Variants in SIGLEC6 observed in about 807,000 individuals in gnomAD.
SIGLEC6 encodes the protein sialic acid binding Ig like lectin 6.
Under a neutral mutation model 41.4 loss-of-function variants are expected in SIGLEC6, and 31 were observed. The ratio of observed to expected loss-of-function variants is 0.75; its 90% confidence interval spans 0.56 to 1.01. The LOEUF is 1.01. Among genes scored for constraint, SIGLEC6 ranks in the 50% least tolerant of loss-of-function variants. The probability of loss-of-function intolerance (pLI) is 0.00; values close to 1 mark genes in which losing one functional copy is unlikely to be tolerated. For missense variants in SIGLEC6, 555 were observed against 558.6 expected (o/e 0.99, Z 0.06); for synonymous variants, 217 against 231.0 (o/e 0.94, Z 0.55).
At position 51,519,847 on chromosome 19, in the gene SIGLEC6, C is replaced by T. The variant is rs545339463; in HGVS notation, c.*235G>A. 7.0e-6 allele frequency: 2 copies of T among 284,258 alleles called. No individual in the cohort carries two copies. The highest frequency in any genetic ancestry group is 2.2e-5 in the African/African-American group (1 of 46,352). The allele number at this position is 284,258 out of a possible 1,614,324, so 17.6% of individuals were successfully genotyped here. ...GACACAAACACACTCAGAGGAAAGACCATGTGAAGACACAAGGAGGAGACA... is the reference window on the plus strand; with the variant it reads ...GACACAAACACACTCAGAGGAAAGATCATGTGAAGACACAAGGAGGAGACA... On this transcript the variant is annotated 3_prime_UTR_variant, in exon 8 of 8. Coordinates refer to ENST00000425629, the MANE Select transcript of SIGLEC6 (RefSeq NM_001245.7).
chr19:51,529,689 T>G (rs1460845703), intron 5 of SIGLEC6, 35 bp downstream of exon 5: 22 of 1,612,802 alleles, frequency 1.4e-5, no homozygotes, highest in Non-Finnish European at 1.6e-5. Flanking sequence ...CTCGCCCAGC[T>G]GCCCACACTC....
rs551998592 is a variant in SIGLEC6 at position 51,523,308 on chromosome 19, A to T, written c.1189-3053T>A. On this transcript the variant is annotated intron_variant, in intron 7 of 7. Transcript: ENST00000425629. ...GCACAAAGAAAACACAAAAACGAAA[A>T]ATAAATAAGCACAGCTTCATTGGCC... 1.0e-3 allele frequency among the ~76,000 whole-genome samples: 156 copies of T among 152,360 alleles called. No homozygotes were observed. In the Middle Eastern group the frequency reaches 0.014, roughly 13 times the overall value.
At chr19:51,525,244 C>A (rs1347483333) in intron 7 of SIGLEC6, among the ~76,000 whole-genome samples, 1 of 152,174 alleles carries the variant, frequency 6.6e-6, no homozygotes, top group African/African-American at 2.4e-5. Context: ...CTCACCCCTG[C>A]CTGAGCACTT....
intron 5 of SIGLEC6, among the ~76,000 whole-genome samples, chr19:51,528,922 A>G (rs1013616416): frequency 2.7e-5 from 4 of 150,732 alleles, no homozygotes; most frequent in African/African-American, 7.3e-5. Context: ...TGGAGGTTGC[A>G]TATGTCAGAT....
intron 7 of SIGLEC6, among the ~76,000 whole-genome samples, chr19:51,527,529 G>A (rs775671853): frequency 2.1e-4 from 32 of 152,072 alleles, no homozygotes; most frequent in Non-Finnish European, 3.7e-4. Context: ...ACTGGAGTAC[G>A]TATTTCATCA....
chr19:51,527,718 G>C (rs1172177873), intron 7 of SIGLEC6, 29 bp downstream of exon 7: 2 of 1,603,524 alleles, frequency 1.2e-6, no homozygotes, highest in Admixed American at 3.3e-5. Flanking sequence ...GGATAATGCT[G>C]AATGGAAATT....
intron 7 of SIGLEC6, among the ~76,000 whole-genome samples, chr19:51,524,384 T>A (rs893791231): frequency 6.6e-6 from 1 of 152,122 alleles, no homozygotes; most frequent in South Asian, 2.1e-4. Context: ...TTACCAGAAA[T>A]AAAGACATTT....
Position 51,531,145 on chromosome 19 carries a change from G to A in SIGLEC6, c.427+15C>T, listed in dbSNP as rs1218985945. ...TGACCTTCCCCTGTGGCTAGTCCTG[G>A]AGCTGGTTCCTTACCCATCACACGC... On this transcript the variant is annotated intron_variant, in intron 2 of 7. Coordinates refer to ENST00000425629, the MANE Select transcript of SIGLEC6 (RefSeq NM_001245.7). 3.8e-6 allele frequency: 6 copies of A among 1,571,106 alleles called. No homozygotes were observed. The African/African-American group carries it at 6.8e-5, about 18-fold the overall frequency.
In SIGLEC6 at chr19:51,530,845, G is replaced by C; in HGVS notation, c.542C>G (p.Ser181Cys). ...VCEQGTPPIF[S>C]WMSAAPTSLG... ...GGAGGTGGGGGCAGCTGACATCCAG[G>C]AGAAGATGGGGGGCGTCCCCTGCTC... The change falls in exon 3 of 8, where the codon TCC becomes TGC. Residue 181 changes from serine to cysteine, a missense_variant. By Grantham distance (112) the Ser-to-Cys change is moderately radical. Transcript: ENST00000425629. The C allele has an allele frequency of 6.2e-7, 1 of 1,614,020 alleles. No individual in the cohort carries two copies. Among genetic ancestry groups the C allele is most frequent in the Non-Finnish European group, 8.5e-7 (1 of 1,179,992 alleles).
chr19:51,520,364 C>T (rs1008780949), intron 7 of SIGLEC6, 109 bp from the exon 8 acceptor site: 16 of 582,390 alleles, frequency 2.7e-5, no homozygotes, highest in Non-Finnish European at 3.8e-5. Flanking sequence ...TTTATCCATT[C>T]ATTTATTATT....
In SIGLEC6 at chr19:51,518,710, T is replaced by A. The variant is rs1479902198; in HGVS notation, c.*1372A>T. On this transcript the variant is annotated 3_prime_UTR_variant, in exon 8 of 8. Transcript: ENST00000425629. ...AAGAATTTTCCTTAATAGTTGGTCT[T>A]CATTAAATGCTTTCTTCAATTTCAC... Among the ~76,000 whole-genome samples the A allele has an allele frequency of 6.6e-6, 1 of 152,240 alleles. No homozygotes were observed. Among genetic ancestry groups the A allele is most frequent in the Non-Finnish European group, 1.5e-5 (1 of 68,044 alleles).
In SIGLEC6 at chr19:51,530,632, C is replaced by A. The variant is rs772485271; in HGVS notation, c.706+49G>T. The stretch of plus-strand genomic sequence containing the variant: ...CTTTAAGCTCTGGCTCAGCCCTGCC[C>A]TGTCCCCCCACACCCTCAGGGACCC... On this transcript the variant is annotated intron_variant, in intron 3 of 7. Transcript: ENST00000425629. 18 of 1,611,116 alleles carry A rather than the reference C, an allele frequency of 1.1e-5. No homozygotes were observed. In the Admixed American group the frequency reaches 2.9e-4, roughly 26 times the overall value.
intron 5 of SIGLEC6, among the ~76,000 whole-genome samples, chr19:51,529,199 C>T (rs193190734): frequency 3.9e-5 from 6 of 152,284 alleles, no homozygotes; most frequent in Admixed American, 1.3e-4. Flanking sequence ...CCAACTCTAA[C>T]ACCATACATG....
chr19:51,528,730 C>T (rs539630673), intron 5 of SIGLEC6, among the ~76,000 whole-genome samples: 15 of 151,998 alleles, frequency 9.9e-5, no homozygotes, highest in Non-Finnish European at 1.5e-4. Context: ...CACCTGTAAT[C>T]CCATCATTTT....
Position 51,527,786 on chromosome 19 carries a change from G to A in SIGLEC6, c.1149C>T (p.Asn383=). ...CCATGACGGGGTTCACATCATCCGT[G>A]TTTTGCACTGGCTGGGCTGCTTTCT... ...RRKKAAQPVQ[N]TDDVNPVMVS... Residue 383 remains asparagine, a synonymous_variant, in exon 7 of 8, where the codon AAC becomes AAT. Coordinates refer to ENST00000425629, the MANE Select transcript of SIGLEC6 (RefSeq NM_001245.7). The A allele has an allele frequency of 6.2e-7, 1 of 1,614,048 alleles. No individual in the cohort carries two copies. Among genetic ancestry groups the A allele is most frequent in the Non-Finnish European group, 8.5e-7 (1 of 1,180,006 alleles).
At chr19:51,526,578 T>C (rs1226393294) in intron 7 of SIGLEC6, among the ~76,000 whole-genome samples, 2 of 152,146 alleles carry the variant, frequency 1.3e-5, no homozygotes, top group Non-Finnish European at 2.9e-5. Flanking sequence ...TAAGGGAACA[T>C]GAGCCCACAT....
chr19:51,528,448 C>T (rs948599100), intron 5 of SIGLEC6, 195 bp from the exon 6 acceptor site: 176 of 592,994 alleles, frequency 3.0e-4, no homozygotes, highest in Non-Finnish European at 3.1e-4. Flanking sequence ...AGACTGAGGA[C>T]GTTGTGCCCC....
At chr19:51,527,302 A>G (rs2122397342) in intron 7 of SIGLEC6, among the ~76,000 whole-genome samples, 1 of 152,290 alleles carries the variant, frequency 6.6e-6, no homozygotes, top group Middle Eastern at 3.4e-3. Flanking sequence ...AGATGCCTGT[A>G]ATATTGTAAT....
chr19:51,519,852 T>C lies in SIGLEC6; in HGVS notation c.*230A>G. 1 of 295,464 alleles carries C rather than the reference T, an allele frequency of 3.4e-6. No homozygotes were observed. Among genetic ancestry groups the C allele is most frequent in the East Asian group, 5.6e-5 (1 of 17,866 alleles). 18.3% of individuals were successfully genotyped at this position (295,464 alleles called of 1,614,324 possible). A position where few individuals can be genotyped will look rare whatever the true frequency, so the allele number is the denominator to read the frequency against. On this transcript the variant is annotated 3_prime_UTR_variant, in exon 8 of 8. Coordinates refer to ENST00000425629, the MANE Select transcript of SIGLEC6 (RefSeq NM_001245.7). ...AAACACACTCAGAGGAAAGACCATG[T>C]GAAGACACAAGGAGGAGACAGCCAT...
Sources: gnomAD v4.1 joint callset for allele counts (sites outside exome capture counted in the v4.1 genomes callset) on GRCh38, gnomAD v4.1.1 for gene constraint, MANE v1.5 for transcripts, NCBI Gene and HGNC (gene_info 2026-07-23, HGNC 2026-07-21) for gene names.